The following PPP6R2 variants were observed in gnomAD, a reference collection of about 807,000 sequenced individuals.
PPP6R2 encodes serine/threonine-protein phosphatase 6 regulatory subunit 2.
Under a neutral mutation model 100.2 loss-of-function variants are expected in PPP6R2, and 62 were observed. The observed-to-expected ratio is 0.62, with a 90% CI of 0.50 to 0.76. The LOEUF is 0.76. Among genes scored for constraint, PPP6R2 ranks in the 30% least tolerant of loss-of-function variants. The pLI is 0.00. For synonymous variants in PPP6R2, 525 were observed against 514.7 expected (o/e 1.02, Z -0.27); for missense variants, 1,142 against 1,276.3 (o/e 0.89, Z 1.60).
At chr22:50,437,480 T>TGCCAGGCCA in intron 15 of PPP6R2, 26 bp from the exon 16 acceptor site, 1 of 728,390 alleles carries the variant, frequency 1.4e-6, no homozygotes, top group East Asian at 2.5e-5. Context: ...TGTCTGTCCG[T>TGCCAGGCCA]CCCTCCCTCC....
upstream of PPP6R2, among the ~76,000 whole-genome samples, chr22:50,338,916 G>A (rs1160510668): frequency 2.0e-5 from 2 of 101,870 alleles, no homozygotes; most frequent in East Asian, 5.7e-4. Flanking sequence ...GTGTGGTAGT[G>A]TGTGTGGTAT....
chr22:50,411,383 G>A (rs530915768), intron 4 of PPP6R2, among the ~76,000 whole-genome samples: 1 of 152,212 alleles, frequency 6.6e-6, no homozygotes, highest in Non-Finnish European at 1.5e-5. Context: ...TGAACCTGAA[G>A]GCGGAGGTTG....
chr22:50,435,189 A>G (rs2273257), intron 13 of PPP6R2, 108 bp downstream of exon 13: 98,256 of 841,680 alleles, frequency 0.12, 7,846 homozygotes, highest in East Asian at 0.37. Flanking sequence ...GACTGCACTG[A>G]CAGTGAGAGA....
intron 4 of PPP6R2, among the ~76,000 whole-genome samples, chr22:50,413,701 T>C (rs2060086173): frequency 7.8e-6 from 1 of 128,042 alleles, no homozygotes; most frequent in Non-Finnish European, 1.6e-5. Flanking sequence ...CCCTTCTCTT[T>C]TCCCACCACT....
intron 2 of PPP6R2, 152 bp from the exon 3 acceptor site, chr22:50,393,741 A>G (rs917638155): frequency 1.1e-5 from 11 of 985,378 alleles, no homozygotes; most frequent in Middle Eastern, 5.2e-4. Flanking sequence ...TTGTGTGTTC[A>G]TGCTGCAGAT....
intron 1 of PPP6R2, among the ~76,000 whole-genome samples, chr22:50,357,885 A>G (rs148815527): frequency 1.1e-3 from 162 of 151,218 alleles, no homozygotes; most frequent in African/African-American, 3.4e-3. Context: ...TGGCCTTCCA[A>G]AGTGCCGGGA....
At chr22:50,424,665 G>GTC (rs2061839603) in intron 10 of PPP6R2, among the ~76,000 whole-genome samples, 1 of 106,074 alleles carries the variant, frequency 9.4e-6, no homozygotes, top group African/African-American at 3.5e-5. Context: ...TTGAGATGGA[G>GTC]TCTCTCTCTG....
intron 3 of PPP6R2, among the ~76,000 whole-genome samples, chr22:50,401,332 G>A (rs978182228): frequency 7.0e-6 from 1 of 142,164 alleles, no homozygotes; most frequent in Non-Finnish European, 1.5e-5. Flanking sequence ...TCAGCCTCCC[G>A]TGTAGCTGGA....
chr22:50,338,591 GGTGTGTGGT>G (rs1248274328), upstream of PPP6R2, among the ~76,000 whole-genome samples: 1 of 128,166 alleles, frequency 7.8e-6, no homozygotes, highest in African/African-American at 3.1e-5. Context: ...GTGTGTTTGT[GGTGTGTGGT>G]GTGTGTGGTA....
intron 3 of PPP6R2, among the ~76,000 whole-genome samples, chr22:50,394,666 G>C (rs2056380705): frequency 6.6e-6 from 1 of 151,176 alleles, no homozygotes; most frequent in Non-Finnish European, 1.5e-5. Context: ...CAGCACTTTG[G>C]GAGGCCGAAG....
upstream of PPP6R2, among the ~76,000 whole-genome samples, chr22:50,341,969 G>A (rs2042445913): frequency 6.6e-6 from 1 of 151,650 alleles, no homozygotes; most frequent in Non-Finnish European, 1.5e-5. Context: ...CTCCAGCCTG[G>A]GCGACAGAGC....
At chr22:50,398,401 G>A (rs947444275) in intron 3 of PPP6R2, among the ~76,000 whole-genome samples, 39 of 150,270 alleles carry the variant, frequency 2.6e-4, no homozygotes, top group African/African-American at 8.5e-4. Context: ...TCGAATTCCC[G>A]ACCTCAGGTG....
intron 6 of PPP6R2, among the ~76,000 whole-genome samples, chr22:50,416,427 C>T (rs532623154): frequency 2.0e-5 from 3 of 151,464 alleles, no homozygotes; most frequent in Non-Finnish European, 4.4e-5. Flanking sequence ...CTCTTGGGTT[C>T]AAGCAATTCT....
chr22:50,441,107 C>T (rs2065483905), intron 22 of PPP6R2, 81 bp downstream of exon 22: 1 of 1,247,760 alleles, frequency 8.0e-7, no homozygotes. Context: ...CTCAGCTCCC[C>T]TGAGAGGAGG....
chr22:50,347,336 C>T (rs895355625), intron 1 of PPP6R2, among the ~76,000 whole-genome samples: 1 of 152,096 alleles, frequency 6.6e-6, no homozygotes, highest in Non-Finnish European at 1.5e-5. Flanking sequence ...CATCACCCCT[C>T]TTGTCCAATC....
chr22:50,437,251 G>A (rs1444129303), intron 15 of PPP6R2, among the ~76,000 whole-genome samples, 183 bp downstream of exon 15: 2 of 152,264 alleles, frequency 1.3e-5, no homozygotes, highest in East Asian at 3.9e-4. Context: ...CCACCTTGAT[G>A]AGAGCACTGA....
intron 8 of PPP6R2, 106 bp downstream of exon 8, chr22:50,419,568 A>T: frequency 1.3e-6 from 1 of 778,382 alleles, no homozygotes; most frequent in Non-Finnish European, 2.1e-6. Context: ...TTAATTTTTG[A>T]TTATGCAAGT....
intron 8 of PPP6R2, among the ~76,000 whole-genome samples, chr22:50,421,832 C>T (rs1442267791): frequency 6.6e-6 from 1 of 152,074 alleles, no homozygotes; most frequent in East Asian, 1.9e-4. Flanking sequence ...CGCACCATCG[C>T]ACTCCAGCCT....
upstream of PPP6R2, chr22:50,343,269 C>T (rs1243796934): frequency 6.7e-6 from 1 of 149,956 alleles, no homozygotes; most frequent in Non-Finnish European, 1.5e-5. Context: ...CCCCCGGCCG[C>T]GAGCGTGCGC....
Sources: gnomAD v4.1 joint callset for allele counts (sites outside exome capture counted in the v4.1 genomes callset) on GRCh38, gnomAD v4.1.1 for gene constraint, MANE v1.5 for transcripts, NCBI Gene and HGNC (gene_info 2026-07-23, HGNC 2026-07-21) for gene names.